The following FRMD6 variants were observed in gnomAD, a reference collection of about 807,000 sequenced individuals.
FRMD6 encodes FERM domain-containing protein 6.
Under a neutral mutation model 73.2 loss-of-function variants are expected in FRMD6, and 37 were observed. That is an observed-to-expected ratio of 0.51 (90% CI 0.39 to 0.66). The LOEUF (loss-of-function observed/expected upper bound fraction) is 0.66, where lower values mean the gene tolerates loss of function less well. Among genes scored for constraint, FRMD6 ranks in the 30% least tolerant of loss-of-function variants. The pLI is 0.00. For missense variants in FRMD6, 714 were observed against 780.5 expected, an observed-to-expected ratio of 0.91 and a Z score of 1.02; for synonymous variants, 273 against 282.2, an observed-to-expected ratio of 0.97 and a Z score of 0.33.
chr14:51,659,323 C>T (rs564857226), intron 1 of FRMD6, among the ~76,000 whole-genome samples: 27 of 152,316 alleles, frequency 1.8e-4, no homozygotes, highest in African/African-American at 6.3e-4. Flanking sequence ...AAACGTCTTA[C>T]GTGATGTTAG....
At chr14:51,465,251 A>G in the FRMD6 span, among the ~76,000 whole-genome samples, 1 of 152,228 alleles carries the variant, frequency 6.6e-6, no homozygotes, top group South Asian at 2.1e-4. Context: ...TAGTTTTACT[A>G]ATAAGTTTAC....
chr14:51,466,537 A>G, the FRMD6 span, among the ~76,000 whole-genome samples: 1,189 of 152,290 alleles, frequency 7.8e-3, 11 homozygotes, highest in East Asian at 0.056. Context: ...TCATTTTGGC[A>G]CTTTGTCATA....
the FRMD6 span, among the ~76,000 whole-genome samples, chr14:51,409,871 G>A: frequency 6.6e-6 from 1 of 152,222 alleles, no homozygotes; most frequent in Non-Finnish European, 1.5e-5. Context: ...TTACAGGTGT[G>A]AGCCACCACG....
the FRMD6 span, among the ~76,000 whole-genome samples, chr14:51,467,166 A>G: frequency 6.6e-6 from 1 of 151,866 alleles, no homozygotes; most frequent in Non-Finnish European, 1.5e-5. Flanking sequence ...AGTGGCGATG[A>G]CTCTTAAGGA....
chr14:51,625,470 T>C (rs1047478074), intron 2 of FRMD6, among the ~76,000 whole-genome samples: 2 of 151,214 alleles, frequency 1.3e-5, no homozygotes, highest in African/African-American at 4.9e-5. Context: ...TTTTTTGTTG[T>C]TGTTGTTAAT....
chr14:51,720,002 T>C (rs919414468), intron 10 of FRMD6, 53 bp from the exon 11 acceptor site: 1 of 1,424,248 alleles, frequency 7.0e-7, no homozygotes, highest in Admixed American at 2.0e-5. Context: ...TCACTTAAGC[T>C]CACCAGCCGT....
chr14:51,615,668 C>T (rs1228810965), intron 2 of FRMD6, among the ~76,000 whole-genome samples: 1 of 152,098 alleles, frequency 6.6e-6, no homozygotes, highest in Non-Finnish European at 1.5e-5. Context: ...TGACATGGTT[C>T]CTGCCCTCAA....
At chr14:51,642,856 G>C (rs896494597) in intron 2 of FRMD6, among the ~76,000 whole-genome samples, 1 of 152,172 alleles carries the variant, frequency 6.6e-6, no homozygotes, top group African/African-American at 2.4e-5. Flanking sequence ...TCTGCTAAAT[G>C]AATCAACAAA....
chr14:51,614,094 C>T (rs990298453), intron 2 of FRMD6, among the ~76,000 whole-genome samples: 4 of 152,186 alleles, frequency 2.6e-5, no homozygotes, highest in African/African-American at 4.8e-5. Flanking sequence ...TCCCACTCTT[C>T]TGCCTGAAAA....
At chr14:51,655,476 CTG>C (rs1275563069) in intron 1 of FRMD6, among the ~76,000 whole-genome samples, 2 of 151,944 alleles carry the variant, frequency 1.3e-5, no homozygotes, top group African/African-American at 2.4e-5. Context: ...TCGTTGGTCT[CTG>C]TGGTTAAACT....
the FRMD6 span, among the ~76,000 whole-genome samples, chr14:51,464,979 A>T: frequency 6.6e-6 from 1 of 152,136 alleles, no homozygotes; most frequent in African/African-American, 2.4e-5. Flanking sequence ...AATTCAAGGG[A>T]ATTATGAAGC....
At chr14:51,570,189 C>A (rs1372374511) in intron 1 of FRMD6, among the ~76,000 whole-genome samples, 2 of 152,148 alleles carry the variant, frequency 1.3e-5, no homozygotes, top group Non-Finnish European at 2.9e-5. Context: ...TTTTCTTCAT[C>A]TGCAAATTTG....
chr14:51,630,529 T>C (rs748338769), intron 2 of FRMD6, among the ~76,000 whole-genome samples: 3 of 152,146 alleles, frequency 2.0e-5, no homozygotes, highest in African/African-American at 4.8e-5. Context: ...GTCAGGGGAC[T>C]GCTTGAGGCC....
intron 1 of FRMD6, among the ~76,000 whole-genome samples, chr14:51,670,029 C>CG (rs1893886137): frequency 6.7e-6 from 1 of 149,868 alleles, no homozygotes; most frequent in Admixed American, 6.6e-5. Context: ...GGATTTTTAC[C>CG]GAAAAAAAAA....
chr14:51,530,738 C>T (rs1885535538), intron 1 of FRMD6, among the ~76,000 whole-genome samples: 2 of 152,062 alleles, frequency 1.3e-5, no homozygotes, highest in African/African-American at 4.8e-5. Context: ...TCACCTGCTT[C>T]AGCCTCCCAA....
rs1320173364 is a variant in FRMD6, at chr14:51,546,400, T to A, written c.-209-23948T>A. 7.2e-5 allele frequency among the ~76,000 whole-genome samples: 10 copies of A among 138,654 alleles called. No individual in the cohort carries two copies. In the South Asian group the frequency reaches 2.4e-3, roughly 34 times the overall value. 91.0% of individuals were successfully genotyped at this position (138,654 alleles called of 152,430 possible). On this transcript the variant is annotated intron_variant, in intron 1 of 14. Coordinates refer to the FRMD6 transcript ENST00000356218. The stretch of plus-strand genomic sequence containing the variant: ...GTCTCTCAGGAAAGAGAAACTCTTT[T>A]TTTTTTCTTTTTTTAAATAGTTCCT...
chr14:51,689,100 C>A (rs949468970), intron 1 of FRMD6, among the ~76,000 whole-genome samples: 3 of 152,060 alleles, frequency 2.0e-5, no homozygotes, highest in Admixed American at 2.0e-4. Flanking sequence ...AGAGACAGAG[C>A]TATAAAAACT....
the FRMD6 span, among the ~76,000 whole-genome samples, chr14:51,429,038 A>AGAGGGAGGGAGAGAGAGGGG: frequency 2.3e-5 from 3 of 133,268 alleles, no homozygotes; most frequent in Admixed American, 7.7e-5. Flanking sequence ...GAGGGGAGAG[A>AGAGGGAGGGAGAGAGAGGGG]AAAGAAAAGG....
chr14:51,666,896 A>G (rs1192708069), intron 1 of FRMD6, among the ~76,000 whole-genome samples: 1 of 152,238 alleles, frequency 6.6e-6, no homozygotes, highest in Non-Finnish European at 1.5e-5. Flanking sequence ...ACACCTCAGG[A>G]GGCTGAGGCA....
Sources: allele counts gnomAD v4.1 joint callset (sites outside exome capture counted in the v4.1 genomes callset), GRCh38; gene constraint gnomAD v4.1.1; transcripts MANE v1.5; gene names NCBI Gene and HGNC (gene_info 2026-07-23, HGNC 2026-07-21).